Variants in RTN4RL1 observed in about 807,000 individuals in gnomAD.
The protein encoded by RTN4RL1 is reticulon-4 receptor-like 1.
A neutral mutation model predicts 25.6 loss-of-function variants in RTN4RL1; 7 were observed. That is an observed-to-expected ratio of 0.27 (90% CI 0.16 to 0.51). The LOEUF (loss-of-function observed/expected upper bound fraction) is 0.51, where lower values mean the gene tolerates loss of function less well. Ranked by LOEUF, RTN4RL1 falls within the 20% of genes least tolerant of loss-of-function variation. The probability of loss-of-function intolerance (pLI) is 0.97; values close to 1 mark genes in which losing one functional copy is unlikely to be tolerated. For synonymous variants in RTN4RL1, 297 were observed against 288.2 expected (o/e 1.03, Z -0.31); for missense variants, 500 against 615.6 (o/e 0.81, Z 1.99).
rs558321406 is a variant in RTN4RL1, at chr17:1,940,763, A to T, written c.14-2955T>A. ...CTCCTCGGGCTGCTACCCTCCAGGA[A>T]GGTGCTTCCCGCACCTGTAGGAAGC... is the stretch of plus-strand genomic sequence containing the variant. On this transcript the variant is annotated intron_variant, in intron 1 of 1. Coordinates refer to ENST00000331238, the MANE Select transcript of RTN4RL1 (RefSeq NM_178568.4). 2.6e-5 allele frequency among the ~76,000 whole-genome samples: 4 copies of T among 152,218 alleles called. No individual in the cohort carries two copies. In the East Asian group the frequency reaches 7.7e-4, roughly 29 times the overall value.
At chr17:1,973,461 T>A (rs1411288594) in intron 1 of RTN4RL1, among the ~76,000 whole-genome samples, 2 of 147,112 alleles carry the variant, frequency 1.4e-5, no homozygotes, top group Admixed American at 6.9e-5. Flanking sequence ...GAGGTTACAG[T>A]GAGCCGGGAT....
chr17:1,969,454 T>C (rs911424593), intron 1 of RTN4RL1, among the ~76,000 whole-genome samples: 2 of 152,174 alleles, frequency 1.3e-5, no homozygotes, highest in African/African-American at 4.8e-5. Context: ...TCCCTCATTT[T>C]TGTCCCCACT....
chr17:2,015,778 CG>C (rs34140394), intron 1 of RTN4RL1, among the ~76,000 whole-genome samples: 46,635 of 151,968 alleles, frequency 0.31, 7,517 homozygotes, highest in East Asian at 0.54. Flanking sequence ...GAGAGCCGAG[CG>C]GCCGCAAGGG....
At chr17:1,992,371 A>G (rs970554726) in intron 1 of RTN4RL1, among the ~76,000 whole-genome samples, 23 of 151,840 alleles carry the variant, frequency 1.5e-4, no homozygotes, top group African/African-American at 5.3e-4. Context: ...AAAAAAAAAA[A>G]AAAAAAGAAA....
At chr17:1,961,341 G>A (rs76831658) in intron 1 of RTN4RL1, among the ~76,000 whole-genome samples, 22,461 of 152,242 alleles carry the variant, frequency 0.15, 1,766 homozygotes, top group Middle Eastern at 0.24. Context: ...ACGGGGCAGG[G>A]CATTCCAGGC....
intron 1 of RTN4RL1, among the ~76,000 whole-genome samples, chr17:1,987,361 G>A (rs1237074259): frequency 6.6e-6 from 1 of 152,176 alleles, no homozygotes; most frequent in Non-Finnish European, 1.5e-5. Flanking sequence ...TGTGGGGGAA[G>A]AGAAGTTCTC....
In RTN4RL1 at chr17:1,961,362, G is replaced by A. The variant is rs1489358571; in HGVS notation, c.14-23554C>T. ...CAGGGCATTCCAGGCAGAAGGAACC[G>A]CATGGGCGGAGGCCTGGAGGCGCGA... On this transcript the variant is annotated intron_variant, in intron 1 of 1. Coordinates refer to ENST00000331238, the MANE Select transcript of RTN4RL1 (RefSeq NM_178568.4). Among the ~76,000 whole-genome samples the A allele has an allele frequency of 6.6e-5, 10 of 152,220 alleles. No homozygotes were observed. The East Asian group carries it at 7.7e-4, about 12-fold the overall frequency.
In RTN4RL1 at chr17:1,973,556, A is replaced by G. The variant is rs530672545; in HGVS notation, c.14-35748T>C. On this transcript the variant is annotated intron_variant, in intron 1 of 1. Transcript: ENST00000331238. ...GCAATCCCAGCTTCTTGAGTTCCTC[A>G]GGATTCTGCTCCCCTGGTGTCCTCC... Among the ~76,000 whole-genome samples the G allele has an allele frequency of 2.6e-5, 4 of 151,160 alleles. No homozygotes were observed. In the East Asian group the frequency reaches 7.8e-4, roughly 30 times the overall value.
chr17:1,958,219 G>A (rs1046081980), intron 1 of RTN4RL1, among the ~76,000 whole-genome samples: 18 of 152,122 alleles, frequency 1.2e-4, no homozygotes, highest in Admixed American at 3.3e-4. Flanking sequence ...AAACCAAAGC[G>A]AAGTGATTTG....
At chr17:1,999,306 C>G (rs2066945526) in intron 1 of RTN4RL1, among the ~76,000 whole-genome samples, 1 of 152,006 alleles carries the variant, frequency 6.6e-6, no homozygotes, top group Non-Finnish European at 1.5e-5. Context: ...ATTAGCCGGG[C>G]GTGGTGGCGC....
chr17:1,937,431 A>T lies in RTN4RL1; in HGVS notation c.391T>A (p.Tyr131Asn). ...FQGLVKLHAL[Y>N]LYKCGLSALP... ...GCGCTGAGCCCACACTTGTAGAGGT[A>T]GAGGGCGTGAAGCTTCACCAGGCCC... The change falls in exon 2 of 2, where the codon TAC becomes AAC. Residue 131 changes from tyrosine to asparagine, a missense_variant. Tyr to Asn is a moderately radical substitution (Grantham distance 143). Coordinates refer to ENST00000331238, the MANE Select transcript of RTN4RL1 (RefSeq NM_178568.4). The T allele has an allele frequency of 6.2e-7, 1 of 1,613,922 alleles. No individual in the cohort carries two copies. Among genetic ancestry groups the T allele is most frequent in the South Asian group, 1.1e-5 (1 of 91,080 alleles).
chr17:2,024,765 C>A, intron 1 of RTN4RL1, 88 bp downstream of exon 1: 1 of 1,382,306 alleles, frequency 7.2e-7, no homozygotes, highest in Non-Finnish European at 9.8e-7. Flanking sequence ...CTTCCCAGAC[C>A]GGGAGCCCCG....
chr17:1,958,431 G>A (rs62067554), intron 1 of RTN4RL1, among the ~76,000 whole-genome samples: 63,905 of 140,832 alleles, frequency 0.45, 14,934 homozygotes, highest in Middle Eastern at 0.58. Context: ...TTCCTCCCCT[G>A]TTTTCATTAT....
At chr17:1,984,827 C>T (rs1236183143) in intron 1 of RTN4RL1, among the ~76,000 whole-genome samples, 1 of 152,054 alleles carries the variant, frequency 6.6e-6, no homozygotes, top group Non-Finnish European at 1.5e-5. Flanking sequence ...ATTAGCCGGG[C>T]GTGGTAGCAC....
chr17:2,005,057 G>A (rs1281537518), intron 1 of RTN4RL1, among the ~76,000 whole-genome samples: 3 of 152,202 alleles, frequency 2.0e-5, no homozygotes, highest in African/African-American at 4.8e-5. Context: ...CGAGGTTAGA[G>A]TGCAGTGGCA....
chr17:2,015,615 G>A (rs897229659), intron 1 of RTN4RL1, among the ~76,000 whole-genome samples: 1 of 152,232 alleles, frequency 6.6e-6, no homozygotes, highest in African/African-American at 2.4e-5. Flanking sequence ...GCCCCAGAAG[G>A]TCAAGGAGAT....
chr17:1,957,618 A>G (rs1597494432), intron 1 of RTN4RL1, among the ~76,000 whole-genome samples: 1 of 152,026 alleles, frequency 6.6e-6, no homozygotes, highest in African/African-American at 2.4e-5. Context: ...AGGCGGGTGG[A>G]TCACCTGAGG....
At chr17:1,976,834 A>G (rs2066844519) in intron 1 of RTN4RL1, among the ~76,000 whole-genome samples, 1 of 152,188 alleles carries the variant, frequency 6.6e-6, no homozygotes, top group Non-Finnish European at 1.5e-5. Flanking sequence ...TCAACTTGTC[A>G]TTTAGTGGCT....
intron 1 of RTN4RL1, 25 bp downstream of exon 1, chr17:2,024,828 A>C: frequency 1.9e-6 from 3 of 1,565,756 alleles, no homozygotes; most frequent in Non-Finnish European, 2.6e-6. Flanking sequence ...TTCAACTTCA[A>C]CTTGCCCCTG....
Sources: gnomAD v4.1 joint callset for allele counts (sites outside exome capture counted in the v4.1 genomes callset) on GRCh38, gnomAD v4.1.1 for gene constraint, MANE v1.5 for transcripts, NCBI Gene and HGNC (gene_info 2026-07-23, HGNC 2026-07-21) for gene names.